The following LRBA variants were observed in gnomAD, a reference collection of about 807,000 sequenced individuals.
The protein encoded by LRBA is LPS responsive beige-like anchor protein.
A neutral mutation model predicts 330.0 loss-of-function variants in LRBA; 176 were observed. The ratio of observed to expected loss-of-function variants is 0.53; its 90% CI spans 0.47 to 0.60. The LOEUF (loss-of-function observed/expected upper bound fraction) is 0.60. LRBA is among the 20% of genes least tolerant of loss of function. LRBA has a pLI of 0.00. For missense variants in LRBA, 3,259 were observed against 3,444.8 expected (o/e 0.95, Z 1.35); for synonymous variants, 1,230 against 1,193.0 (o/e 1.03, Z -0.64).
chr4:150,423,436 G>T, intron 46 of LRBA: 1 of 608,166 alleles, frequency 1.6e-6, no homozygotes, highest in Non-Finnish European at 2.9e-6. Context: ...GGCTCTGGCG[G>T]TGAGCTGTTG....
intron 32 of LRBA, 75 bp downstream of exon 32, chr4:150,808,245 G>C (rs1304578521): frequency 7.7e-6 from 7 of 909,658 alleles, no homozygotes; most frequent in Non-Finnish European, 1.2e-5. Flanking sequence ...ATGAAACGAA[G>C]TAAAATAAAC....
At chr4:150,760,766 C>A (rs1206058427) in intron 35 of LRBA, among the ~76,000 whole-genome samples, 3 of 152,072 alleles carry the variant, frequency 2.0e-5, no homozygotes, top group African/African-American at 4.8e-5. Context: ...GTTTTAAGCA[C>A]CCTGTACTTA....
At chr4:150,491,710 G>T (rs187908210) in intron 40 of LRBA, among the ~76,000 whole-genome samples, 6 of 152,252 alleles carry the variant, frequency 3.9e-5, no homozygotes, top group African/African-American at 1.4e-4. Context: ...CCAGGTGACA[G>T]ACAGAGTTGC....
intron 49 of LRBA, among the ~76,000 whole-genome samples, chr4:150,323,755 T>C (rs1005394087): frequency 1.3e-5 from 2 of 152,128 alleles, no homozygotes; most frequent in African/African-American, 4.8e-5. Context: ...ACACCAGAAA[T>C]AAGAAAACCA....
At chr4:150,631,701 T>C (rs1777394689) in intron 37 of LRBA, among the ~76,000 whole-genome samples, 3 of 152,180 alleles carry the variant, frequency 2.0e-5, no homozygotes, top group Admixed American at 2.0e-4. Context: ...GAGAGGAGAC[T>C]GTTGAATATG....
chr4:150,436,770 G>A lies in LRBA; in HGVS notation c.6875C>T (p.Thr2292Ile). Residue 2292 changes from threonine (T) to isoleucine (I), a missense_variant, in exon 45 of 57, where the codon ACT (threonine) becomes ATT (isoleucine). Coordinates refer to ENST00000651943, the MANE Select transcript of LRBA (RefSeq NM_001364905.1). ...AACAAAACTTGCAGTTGAGTAATGA[G>A]TACCATAGTGAAACTTTGGAACTTG... ...DDQVPKFHYG[T>I]HYSTASFVLA... 6.2e-7 allele frequency: 1 copy of A among 1,613,272 alleles called. No individual in the cohort carries two copies. The highest frequency in any genetic ancestry group is 8.5e-7 in the Non-Finnish European group (1 of 1,179,462).
In LRBA at chr4:150,652,648, GCACA is replaced by G. The variant is rs1374924955; in HGVS notation, c.5921+30899_5921+30902del. ...ACAATATATTCAAAATATCATTTCA[GCACA>G]CAATCAATATAAAAATAAAATATTT... On this transcript the variant is annotated intron_variant, in intron 37 of 56. Transcript: ENST00000651943. 7.9e-5 allele frequency among the ~76,000 whole-genome samples: 12 copies of G among 152,068 alleles called. No homozygotes were observed. In the South Asian group the frequency reaches 2.3e-3, roughly 29 times the overall value.
At chr4:150,475,742 A>T (rs529565794) in intron 42 of LRBA, among the ~76,000 whole-genome samples, 1 of 152,084 alleles carries the variant, frequency 6.6e-6, no homozygotes, top group Admixed American at 6.5e-5. Flanking sequence ...AAAAAAAAAA[A>T]AAAATCAAAA....
At chr4:150,738,565 T>C (rs966161201) in intron 35 of LRBA, among the ~76,000 whole-genome samples, 15 of 152,024 alleles carry the variant, frequency 9.9e-5, no homozygotes, top group African/African-American at 3.6e-4. Context: ...CGTGGGTAAA[T>C]CTAAAAGTAT....
intron 47 of LRBA, among the ~76,000 whole-genome samples, chr4:150,356,747 T>G (rs1418261932): frequency 6.6e-6 from 1 of 151,994 alleles, no homozygotes; most frequent in African/African-American, 2.4e-5. Flanking sequence ...AAATATTTAA[T>G]AAACTAAAAT....
intron 37 of LRBA, among the ~76,000 whole-genome samples, chr4:150,612,710 G>A (rs1247354628): frequency 1.3e-5 from 2 of 152,100 alleles, no homozygotes; most frequent in Non-Finnish European, 2.9e-5. Context: ...ACTGGTTGAG[G>A]TGCCTTAAGA....
intron 48 of LRBA, among the ~76,000 whole-genome samples, chr4:150,349,598 A>G (rs759599800): frequency 1.2e-4 from 18 of 152,200 alleles, no homozygotes; most frequent in Non-Finnish European, 2.1e-4. Context: ...ATGTGGTTAT[A>G]TATGTTCTTA....
At chr4:150,812,061 A>T (rs890387850) in intron 31 of LRBA, among the ~76,000 whole-genome samples, 1 of 152,202 alleles carries the variant, frequency 6.6e-6, no homozygotes, top group Non-Finnish European at 1.5e-5. Context: ...AAATCACATG[A>T]AAGAATAAAC....
intron 34 of LRBA, 27 bp from the exon 35 acceptor site, chr4:150,761,874 G>A (rs1420080436): frequency 4.1e-6 from 5 of 1,210,842 alleles, no homozygotes; most frequent in Non-Finnish European, 4.7e-6. Context: ...AAAAATAGCT[G>A]AAGAAATGTC....
intron 34 of LRBA, among the ~76,000 whole-genome samples, chr4:150,793,935 G>A (rs1165033691): frequency 2.6e-5 from 4 of 152,144 alleles, no homozygotes; most frequent in Non-Finnish European, 5.9e-5. Context: ...AATACTAACA[G>A]TAAACAAGTA....
At chr4:150,498,160 C>A (rs1268770889) in intron 40 of LRBA, among the ~76,000 whole-genome samples, 1 of 152,162 alleles carries the variant, frequency 6.6e-6, no homozygotes, top group African/African-American at 2.4e-5. Flanking sequence ...TTATTTTAAG[C>A]TGCTGTGGCA....
At chr4:150,867,951 C>G in intron 21 of LRBA, 88 bp from the exon 22 acceptor site, 1 of 1,093,962 alleles carries the variant, frequency 9.1e-7, no homozygotes, top group Non-Finnish European at 1.3e-6. Flanking sequence ...TAACCCTGCC[C>G]CTCCCTTTCC....
chr4:151,003,297 T>C (rs542912669), intron 2 of LRBA, among the ~76,000 whole-genome samples: 1 of 150,020 alleles, frequency 6.7e-6, no homozygotes, highest in Admixed American at 6.7e-5. Flanking sequence ...CTTGGGAGGC[T>C]GAGGCAGAAG....
At chr4:150,799,619 A>G (rs1741296446) in intron 33 of LRBA, among the ~76,000 whole-genome samples, 1 of 152,218 alleles carries the variant, frequency 6.6e-6, no homozygotes, top group Admixed American at 6.5e-5. Flanking sequence ...GGGCCCTTTT[A>G]TTATACATCT....
Sources: gnomAD v4.1 joint callset for allele counts (sites outside exome capture counted in the v4.1 genomes callset) on GRCh38, gnomAD v4.1.1 for gene constraint, MANE v1.5 for transcripts, NCBI Gene and HGNC (gene_info 2026-07-23, HGNC 2026-07-21) for gene names.